The following TULP4 variants were observed in gnomAD, a reference collection of about 807,000 sequenced individuals.
The protein encoded by TULP4 is tubby-related protein 4.
TULP4 carries 16 observed loss-of-function variants against 129.0 expected under a neutral mutation model. That is an observed-to-expected ratio of 0.12 (90% CI 0.08 to 0.19). The LOEUF (loss-of-function observed/expected upper bound fraction) is 0.19, where lower values mean the gene tolerates loss of function less well. Among genes scored for constraint, TULP4 ranks in the 10% least tolerant of loss-of-function variants. TULP4 has a pLI of 1.00. For missense variants in TULP4, 1,842 were observed against 2,059.1 expected (o/e 0.89, Z 2.04); for synonymous variants, 998 against 854.0 (o/e 1.17, Z -2.94).
At position 158,510,014 on chromosome 6, in the gene TULP4, A is replaced by G. The variant is rs796955369; in HGVS notation, c.*3320A>G. The G allele has an allele frequency of 2.0e-5, 3 of 152,598 alleles. No homozygotes were observed. The highest frequency in any genetic ancestry group is 7.2e-5 in the African/African-American group (3 of 41,566). The allele number at this position is 152,598 out of a possible 1,614,324, so 9.5% of individuals were successfully genotyped here. On this transcript the variant is annotated 3_prime_UTR_variant, in exon 14 of 14. Transcript: ENST00000367097. ...CCTAAATTTAAAAGCAGTCCAGTAA[A>G]AGGTTAACTGTATAAAGAATCTATG...
At chr6:158,504,589 C>T (rs1780555392) in intron 13 of TULP4, among the ~76,000 whole-genome samples, 1 of 151,530 alleles carries the variant, frequency 6.6e-6, no homozygotes, top group African/African-American at 2.4e-5. Context: ...ATCTCCTGAC[C>T]TCGTGATCTG....
At chr6:158,319,093 A>G (rs1405000252) in intron 1 of TULP4, among the ~76,000 whole-genome samples, 1 of 151,990 alleles carries the variant, frequency 6.6e-6, no homozygotes, top group African/African-American at 2.4e-5. Flanking sequence ...TTTTTGTATA[A>G]TTGTTTCAAT....
At chr6:158,382,947 G>T (rs73021782) in intron 1 of TULP4, among the ~76,000 whole-genome samples, 1 of 152,292 alleles carries the variant, frequency 6.6e-6, no homozygotes, top group South Asian at 2.1e-4. Flanking sequence ...TTGGAAAGTC[G>T]AAAAGGAGAT....
At position 158,481,024 on chromosome 6, in the gene TULP4, C is replaced by G. The variant is rs200434181; in HGVS notation, c.1252-31C>G. The stretch of plus-strand genomic sequence containing the variant: ...CTCTCTCTCTGCCTCTCTGGAGTCC[C>G]AGCTCTTCATTTTCTTCCTGTATCC... On this transcript the variant is annotated intron_variant, in intron 7 of 13. Coordinates refer to ENST00000367097, the MANE Select transcript of TULP4 (RefSeq NM_020245.5). 3 of 1,529,636 alleles carry G rather than the reference C, an allele frequency of 2.0e-6. No homozygotes were observed. In the African/African-American group the frequency reaches 4.1e-5, roughly 21 times the overall value. 94.8% of individuals were successfully genotyped at this position (1,529,636 alleles called of 1,614,324 possible).
intron 1 of TULP4, among the ~76,000 whole-genome samples, chr6:158,371,999 G>A (rs1777079744): frequency 1.3e-5 from 2 of 152,030 alleles, no homozygotes; most frequent in African/African-American, 4.8e-5. Context: ...ATTTTCTATA[G>A]AGATGGGGTT....
intron 1 of TULP4, among the ~76,000 whole-genome samples, chr6:158,267,791 T>C (rs1778474294): frequency 6.6e-6 from 1 of 152,040 alleles, no homozygotes; most frequent in Admixed American, 6.6e-5. Context: ...GGTATAGACA[T>C]GTTTGTTGGC....
At chr6:158,401,546 T>G (rs891408167) in intron 1 of TULP4, among the ~76,000 whole-genome samples, 19 of 152,228 alleles carry the variant, frequency 1.2e-4, no homozygotes, top group Admixed American at 1.2e-3. Flanking sequence ...TAGTTAGTGA[T>G]GAAAAATGGA....
At chr6:158,381,297 T>G (rs1413813768) in intron 1 of TULP4, among the ~76,000 whole-genome samples, 1 of 152,166 alleles carries the variant, frequency 6.6e-6, no homozygotes, top group Non-Finnish European at 1.5e-5. Flanking sequence ...CTCAGTATTT[T>G]GGATTTTAGA....
intron 5 of TULP4, among the ~76,000 whole-genome samples, chr6:158,458,230 CA>C (rs565549247): frequency 4.1e-4 from 63 of 152,260 alleles, no homozygotes; most frequent in African/African-American, 1.5e-3. Flanking sequence ...CTTGTTAATA[CA>C]AAAGAACTAA....
chr6:158,423,120 A>AGGGG (rs746768899), intron 2 of TULP4, among the ~76,000 whole-genome samples: 2 of 59,160 alleles, frequency 3.4e-5, no homozygotes, highest in Non-Finnish European at 3.6e-5. Context: ...TCCACAAAAA[A>AGGGG]GAGGGGGGGG....
chr6:158,462,530 C>T (rs1321671608), intron 6 of TULP4, among the ~76,000 whole-genome samples: 2 of 151,408 alleles, frequency 1.3e-5, no homozygotes, highest in East Asian at 3.9e-4. Context: ...TCTGCCACCA[C>T]GCCCAGCTAA....
At chr6:158,268,542 A>G (rs772792419) in intron 1 of TULP4, among the ~76,000 whole-genome samples, 2 of 152,198 alleles carry the variant, frequency 1.3e-5, no homozygotes, top group African/African-American at 2.4e-5. Flanking sequence ...AGAGCAAGGC[A>G]CCAGTGGACT....
chr6:158,279,986 C>T (rs920419111), upstream of TULP4, among the ~76,000 whole-genome samples: 2 of 152,168 alleles, frequency 1.3e-5, no homozygotes, highest in African/African-American at 4.8e-5. Context: ...CGTGGATAGA[C>T]GAGATGCACC....
At chr6:158,328,121 T>C (rs938603139) in intron 1 of TULP4, among the ~76,000 whole-genome samples, 13 of 81,526 alleles carry the variant, frequency 1.6e-4, no homozygotes, top group African/African-American at 4.4e-4. Flanking sequence ...TGTGTGTGTG[T>C]GTGTGTGCGT....
chr6:158,352,002 G>GT (rs1205619707), intron 1 of TULP4, among the ~76,000 whole-genome samples: 1 of 152,002 alleles, frequency 6.6e-6, no homozygotes, highest in African/African-American at 2.4e-5. Context: ...GATTACAGGC[G>GT]TGAGCTACCA....
At chr6:158,374,279 C>A (rs1777134293) in intron 1 of TULP4, among the ~76,000 whole-genome samples, 1 of 135,974 alleles carries the variant, frequency 7.4e-6, no homozygotes, top group African/African-American at 3.0e-5. Context: ...AGAGTGAGAC[C>A]TTGTCTTTAA....
intron 5 of TULP4, among the ~76,000 whole-genome samples, chr6:158,452,591 C>T (rs73027762): frequency 0.022 from 3,311 of 152,350 alleles, 60 homozygotes; most frequent in Middle Eastern, 0.034. Flanking sequence ...GCACAATAAA[C>T]GGACTGCAGC....
chr6:158,240,883 G>T (rs1362038811), intron 1 of TULP4, among the ~76,000 whole-genome samples: 4 of 150,672 alleles, frequency 2.7e-5, no homozygotes, highest in African/African-American at 7.3e-5. Flanking sequence ...GGTGGCTGCC[G>T]GGCGGAGACG....
intron 1 of TULP4, among the ~76,000 whole-genome samples, chr6:158,260,617 C>T (rs776930071): frequency 1.1e-4 from 17 of 150,998 alleles, no homozygotes; most frequent in Non-Finnish European, 2.2e-4. Flanking sequence ...AAGCCTTCTG[C>T]ATAAGGATGA....
Sources: allele counts gnomAD v4.1 joint callset (sites outside exome capture counted in the v4.1 genomes callset), GRCh38; gene constraint gnomAD v4.1.1; transcripts MANE v1.5; gene names NCBI Gene and HGNC (gene_info 2026-07-23, HGNC 2026-07-21).